The following TTC36 variants were observed in gnomAD, a reference collection of about 807,000 sequenced individuals.
TTC36 encodes tetratricopeptide repeat protein 36.
In TTC36, 15 loss-of-function variants were observed where a neutral mutation model predicts 17.5. The observed-to-expected ratio is 0.86, with a 90% CI of 0.57 to 1.32. The LOEUF (loss-of-function observed/expected upper bound fraction) is 1.32, where lower values mean the gene tolerates loss of function less well. Ranked by LOEUF, TTC36 falls within the 40% of genes most tolerant of loss-of-function variation. The pLI is 0.00. For missense variants in TTC36, 292 were observed against 260.9 expected (o/e 1.12, Z -0.82); for synonymous variants, 112 against 109.8 (o/e 1.02, Z -0.13).
At chr11:118,527,668 G>A (rs1417318382) in intron 1 of TTC36, 56 bp downstream of exon 1, 17 of 1,262,800 alleles carry the variant, frequency 1.3e-5, no homozygotes, top group Admixed American at 8.5e-5. Flanking sequence ...CTGGCCTCCC[G>A]AGGTAGCAGA....
chr11:118,528,348 G>C (rs1244879492), intron 1 of TTC36, among the ~76,000 whole-genome samples: 1 of 152,124 alleles, frequency 6.6e-6, no homozygotes, highest in African/African-American at 2.4e-5. Context: ...AACAGATTGA[G>C]GAGTCTGGGC....
At position 118,530,719 on chromosome 11, in the gene TTC36, A is replaced by G. The variant is rs1297883511; in HGVS notation, c.373A>G (p.Ser125Gly). 1.0e-5 allele frequency: 15 copies of G among 1,487,268 alleles called. No individual in the cohort carries two copies. The highest frequency in any genetic ancestry group is 2.9e-5 in the East Asian group (1 of 34,740). The allele number at this position is 1,487,268 out of a possible 1,614,324, so 92.1% of individuals were successfully genotyped here. A position where few individuals can be genotyped will look rare whatever the true frequency, so the allele number is the denominator to read the frequency against. ...SGGRGRAARQ[S>G]FVQRGLLARL... is the part of the protein sequence containing the mutation. ...CGGCCGGGGCCGCGCCGCCCGCCAGAGCTTTGTGCAGCGCGGACTCCTGGC... is the reference window on the plus strand; with the variant it reads ...CGGCCGGGGCCGCGCCGCCCGCCAGGGCTTTGTGCAGCGCGGACTCCTGGC... The change falls in exon 3 of 3, where the codon AGC becomes GGC. Residue 125 changes from serine (S) to glycine (G), a missense_variant. Coordinates refer to ENST00000302783, the MANE Select transcript of TTC36 (RefSeq NM_001080441.4). The surrounding 1 kb of genome is among the most constrained non-coding windows in gnomAD (Gnocchi z 5.8).
chr11:118,528,562 A>ACCG, intron 1 of TTC36, 41 bp from the exon 2 acceptor site: 1 of 1,509,860 alleles, frequency 6.6e-7, no homozygotes, highest in South Asian at 1.4e-5. Context: ...TCTTGCTACC[A>ACCG]ACTGCACACC....
In TTC36 at chr11:118,528,636, C is replaced by T. The variant is rs1555056413; in HGVS notation, c.152C>T (p.Ser51Phe). 6.2e-7 allele frequency: 1 copy of T among 1,608,642 alleles called. No individual in the cohort carries two copies. The highest frequency in any genetic ancestry group is 1.3e-5 in the African/African-American group (1 of 74,878). ...EVFPQAQLEQ[S>F]KALELQGVMA... ...TTCCCTCAAGCACAGCTGGAACAGT[C>T]CAAGGCCCTGGAGCTGCAGGGGGTG... The change falls in exon 2 of 3, where the codon TCC (serine) becomes TTC (phenylalanine). Residue 51 changes from serine (S) to phenylalanine (F), a missense_variant. Coordinates refer to ENST00000302783, the MANE Select transcript of TTC36 (RefSeq NM_001080441.4).
chr11:118,529,716 C>T (rs919128585), intron 2 of TTC36, among the ~76,000 whole-genome samples: 1 of 152,218 alleles, frequency 6.6e-6, no homozygotes, highest in Non-Finnish European at 1.5e-5. Flanking sequence ...GGCTTATCTG[C>T]CCCAGATCAC....
In TTC36 at chr11:118,530,737, C is replaced by T. The variant is rs782773703; in HGVS notation, c.391C>T (p.Leu131Phe). The change falls in exon 3 of 3, where the codon CTC becomes TTC. Residue 131 changes from leucine to phenylalanine, a missense_variant. Leu to Phe is a conservative substitution (Grantham distance 22). Transcript: ENST00000302783. This position sits in a 1 kb window ranked among gnomAD's most constrained non-coding sequence, Gnocchi z 5.8. ...CCGCCAGAGCTTTGTGCAGCGCGGACTCCTGGCGCGGCTGCAGGGCCGAGA... is the reference window on the plus strand; with the variant it reads ...CCGCCAGAGCTTTGTGCAGCGCGGATTCCTGGCGCGGCTGCAGGGCCGAGA... ...AARQSFVQRG[L>F]LARLQGRDDD... 6.7e-7 allele frequency: 1 copy of T among 1,499,582 alleles called. No individual in the cohort carries two copies. The highest frequency in any genetic ancestry group is 1.2e-5 in the South Asian group (1 of 80,234). The allele number at this position is 1,499,582 out of a possible 1,614,324, so 92.9% of individuals were successfully genotyped here.
rs782681179 is a variant in TTC36, at chr11:118,530,752, C to T, written c.406C>T (p.Gln136Ter). The change falls in exon 3 of 3, where the codon CAG becomes TAG. Residue 136 changes from glutamine to a stop codon, truncating the protein, a stop_gained. Coordinates refer to ENST00000302783, the MANE Select transcript of TTC36 (RefSeq NM_001080441.4). LOFTEE classifies it high-confidence loss of function. The surrounding 1 kb of genome is among the most constrained non-coding windows in gnomAD (Gnocchi z 5.8). ...FVQRGLLARL[Q>*]GRDDDARRDF... ...GCAGCGCGGACTCCTGGCGCGGCTGCAGGGCCGAGACGACGACGCCCGCAG... is the reference window on the plus strand; with the variant it reads ...GCAGCGCGGACTCCTGGCGCGGCTGTAGGGCCGAGACGACGACGCCCGCAG... 9.4e-5 allele frequency: 142 copies of T among 1,504,204 alleles called. No homozygotes were observed. The highest frequency in any genetic ancestry group is 1.1e-4 in the Non-Finnish European group (129 of 1,135,838). The allele number at this position is 1,504,204 out of a possible 1,614,324, so 93.2% of individuals were successfully genotyped here.
Position 118,530,926 on chromosome 11 carries a change from A to G in TTC36, c.*10A>G. 2 of 1,486,550 alleles carry G rather than the reference A, an allele frequency of 1.3e-6. No individual in the cohort carries two copies. The highest frequency in any genetic ancestry group is 1.8e-6 in the Non-Finnish European group (2 of 1,127,816). The allele number at this position is 1,486,550 out of a possible 1,614,324, so 92.1% of individuals were successfully genotyped here. On this transcript the variant is annotated 3_prime_UTR_variant, in exon 3 of 3. Coordinates refer to ENST00000302783, the MANE Select transcript of TTC36 (RefSeq NM_001080441.4). This position sits in a 1 kb window ranked among gnomAD's most constrained non-coding sequence, Gnocchi z 5.8. The stretch of plus-strand genomic sequence containing the variant: ...CCGTGACAGCCGCTGAGCGCCGCGG[A>G]CCCGGGCGTCCGCGGGCGAGGGGAC...
chr11:118,529,953 G>A (rs1951174715), intron 2 of TTC36, among the ~76,000 whole-genome samples: 1 of 152,210 alleles, frequency 6.6e-6, no homozygotes, highest in Non-Finnish European at 1.5e-5. Flanking sequence ...CTGAAGTTCT[G>A]AGTTCAGAGT....
In TTC36 at chr11:118,530,237, CAG is replaced by C. The variant is rs1951185136; in HGVS notation, c.308-414_308-413del. Among the ~76,000 whole-genome samples the C allele has an allele frequency of 6.6e-6, 1 of 152,242 alleles. No homozygotes were observed. Among genetic ancestry groups the C allele is most frequent in the Non-Finnish European group, 1.5e-5 (1 of 68,038 alleles). On this transcript the variant is annotated intron_variant, in intron 2 of 2. Coordinates refer to ENST00000302783, the MANE Select transcript of TTC36 (RefSeq NM_001080441.4). This position sits in a 1 kb window ranked among gnomAD's most constrained non-coding sequence, Gnocchi z 5.8. ...ATATTATTTTTTGAACCCTGACATT[CAG>C]AGTCAGTCACCTGGCACATAGTGGA...
At chr11:118,527,885 C>A (rs74764957) in intron 1 of TTC36, 5 of 538,546 alleles carry the variant, frequency 9.3e-6, no homozygotes, top group East Asian at 9.1e-5. Flanking sequence ...GCTTAACTGC[C>A]AGGTGATGTT....
rs1411790460 is a variant in TTC36 at position 118,530,710 on chromosome 11, G to A, written c.364G>A (p.Ala122Thr). 4 of 1,480,016 alleles carry A rather than the reference G, an allele frequency of 2.7e-6. No homozygotes were observed. The highest frequency in any genetic ancestry group is 4.7e-5 in the Admixed American group (2 of 42,146). The allele number at this position is 1,480,016 out of a possible 1,614,324, so 91.7% of individuals were successfully genotyped here. A position where few individuals can be genotyped will look rare whatever the true frequency, so the allele number is the denominator to read the frequency against. Residue 122 changes from alanine (A) to threonine (T), a missense_variant, in exon 3 of 3, where the codon GCC (alanine) becomes ACC (threonine). Ala to Thr is a moderately conservative substitution (Grantham distance 58, BLOSUM62 0). Coordinates refer to ENST00000302783, the MANE Select transcript of TTC36 (RefSeq NM_001080441.4). This position sits in a 1 kb window ranked among gnomAD's most constrained non-coding sequence, Gnocchi z 5.8. ...GCTGAGCGGCGGCCGGGGCCGCGCCGCCCGCCAGAGCTTTGTGCAGCGCGG... is the reference window on the plus strand; with the variant it reads ...GCTGAGCGGCGGCCGGGGCCGCGCCACCCGCCAGAGCTTTGTGCAGCGCGG... ...VELSGGRGRA[A>T]RQSFVQRGLL...
Position 118,530,447 on chromosome 11 carries a change from TG to T in TTC36, c.308-206del. 1.9e-6 allele frequency: 1 copy of T among 535,142 alleles called. No homozygotes were observed. Among genetic ancestry groups the T allele is most frequent in the African/African-American group, 2.0e-5 (1 of 49,990 alleles). 33.1% of individuals were successfully genotyped at this position (535,142 alleles called of 1,614,324 possible). A position where few individuals can be genotyped will look rare whatever the true frequency, so the allele number is the denominator to read the frequency against. ...CAGCTCTGCCACTAAGTGGCTTGGC[TG>T]TAGAGCTTAACTCTTCCACAGTCTT... is the stretch of plus-strand genomic sequence containing the variant. On this transcript the variant is annotated intron_variant, in intron 2 of 2. Coordinates refer to ENST00000302783, the MANE Select transcript of TTC36 (RefSeq NM_001080441.4). The surrounding 1 kb of genome is among the most constrained non-coding windows in gnomAD (Gnocchi z 5.8).
At chr11:118,528,025 C>T (rs1024237525) in intron 1 of TTC36, 1 of 458,214 alleles carries the variant, frequency 2.2e-6, no homozygotes. Context: ...TAAACACTGT[C>T]ACAAGCCAAG....
Position 118,530,887 on chromosome 11 carries a change from C to T in TTC36, c.541C>T (p.Gln181Ter). 2 of 1,505,564 alleles carry T rather than the reference C, an allele frequency of 1.3e-6. No individual in the cohort carries two copies. Among genetic ancestry groups the T allele is most frequent in the Non-Finnish European group, 1.8e-6 (2 of 1,134,504 alleles). 93.3% of individuals were successfully genotyped at this position (1,505,564 alleles called of 1,614,324 possible). Residue 181 changes from glutamine to a stop codon, truncating the protein, a stop_gained, in exon 3 of 3, where the codon CAG becomes TAG. Coordinates refer to ENST00000302783, the MANE Select transcript of TTC36 (RefSeq NM_001080441.4). LOFTEE classifies it high-confidence loss of function. The surrounding 1 kb of genome is among the most constrained non-coding windows in gnomAD (Gnocchi z 5.8). ...CNRMLADMMG[Q>*]LRRPRDSR The stretch of plus-strand genomic sequence containing the variant: ...CCGCATGCTGGCCGACATGATGGGG[C>T]AGCTGCGCCGCCCCCGTGACAGCCG...
At chr11:118,527,769 G>C (rs1248202561) in intron 1 of TTC36, among the ~76,000 whole-genome samples, 157 bp downstream of exon 1, 12 of 152,130 alleles carry the variant, frequency 7.9e-5, no homozygotes, top group African/African-American at 2.9e-4. Flanking sequence ...CACTGATGGG[G>C]GTTTGGTAAG....
At chr11:118,529,017 C>G (rs1565325664) in intron 2 of TTC36, among the ~76,000 whole-genome samples, 1 of 152,202 alleles carries the variant, frequency 6.6e-6, no homozygotes, top group Non-Finnish European at 1.5e-5. Flanking sequence ...TGAGAGCCTA[C>G]TATGTGGCAG....
chr11:118,530,487 G>T lies in TTC36; in HGVS notation c.308-167G>T. On this transcript the variant is annotated intron_variant, in intron 2 of 2. Coordinates refer to ENST00000302783, the MANE Select transcript of TTC36 (RefSeq NM_001080441.4). This position sits in a 1 kb window ranked among gnomAD's most constrained non-coding sequence, Gnocchi z 5.8. ...TTCCACAGTCTTCATCTGTGTAATG[G>T]GAATAACGATCCGTACCTCTAGCAG... 1 of 730,030 alleles carries T rather than the reference G, an allele frequency of 1.4e-6. No individual in the cohort carries two copies. The highest frequency in any genetic ancestry group is 2.0e-6 in the Non-Finnish European group (1 of 503,082). 45.2% of individuals were successfully genotyped at this position (730,030 alleles called of 1,614,324 possible).
At chr11:118,528,387 C>A (rs1397787760) in intron 1 of TTC36, among the ~76,000 whole-genome samples, 1 of 152,130 alleles carries the variant, frequency 6.6e-6, no homozygotes, top group African/African-American at 2.4e-5. Flanking sequence ...GGGAACCAAC[C>A]AAGGCCCCTT....
Sources: gnomAD v4.1 joint callset for allele counts (sites outside exome capture counted in the v4.1 genomes callset) on GRCh38, gnomAD v4.1.1 for gene constraint, Gnocchi (gnomAD v3.1) non-coding constraint, MANE v1.5 for transcripts, NCBI Gene and HGNC (gene_info 2026-07-23, HGNC 2026-07-21) for gene names.